The following PRICKLE2 variants were observed in gnomAD, a reference collection of about 807,000 sequenced individuals.
The protein encoded by PRICKLE2 is prickle planar cell polarity protein 2, also known as prickle-like protein 2.
Under a neutral mutation model 81.4 loss-of-function variants are expected in PRICKLE2, and 21 were observed. The observed-to-expected ratio is 0.26, with a 90% CI of 0.18 to 0.37. The LOEUF (loss-of-function observed/expected upper bound fraction) is 0.37. Among genes scored for constraint, PRICKLE2 ranks in the 10% least tolerant of loss-of-function variants. The pLI, the probability that PRICKLE2 is intolerant of heterozygous loss-of-function variation, is 1.00. For synonymous variants in PRICKLE2, 456 were observed against 421.5 expected, an observed-to-expected ratio of 1.08 and a Z score of -1.00; for missense variants, 940 against 1,109.0, an observed-to-expected ratio of 0.85 and a Z score of 2.16.
At chr3:64,214,375 A>G (rs1397901949) in intron 1 of PRICKLE2, among the ~76,000 whole-genome samples, 4 of 152,202 alleles carry the variant, frequency 2.6e-5, no homozygotes, top group Non-Finnish European at 4.4e-5. Context: ...AAGCCCCTCA[A>G]TTCAGATTGA....
At chr3:64,149,722 C>G (rs1246066547) in intron 6 of PRICKLE2, among the ~76,000 whole-genome samples, 1 of 152,154 alleles carries the variant, frequency 6.6e-6, no homozygotes, top group African/African-American at 2.4e-5. Context: ...GAACAAAAGG[C>G]CACCGGCCCA....
In PRICKLE2 at chr3:64,094,002, T is replaced by A. The variant is rs1012958449; in HGVS notation, c.*5049A>T. ...TCTGGCAGAGCCCACACCAAAGGCCTGTTGCAGACCTTCTTAACAAATAGC... is the reference window on the plus strand; with the variant it reads ...TCTGGCAGAGCCCACACCAAAGGCCAGTTGCAGACCTTCTTAACAAATAGC... On this transcript the variant is annotated 3_prime_UTR_variant, in exon 8 of 8. Coordinates refer to ENST00000638394, the MANE Select transcript of PRICKLE2 (RefSeq NM_198859.4). The A allele has an allele frequency of 2.0e-5, 3 of 152,644 alleles. No homozygotes were observed. The highest frequency in any genetic ancestry group is 7.2e-5 in the African/African-American group (3 of 41,452). The allele number at this position is 152,644 out of a possible 1,614,324, so 9.5% of individuals were successfully genotyped here. A position where few individuals can be genotyped will look rare whatever the true frequency, so the allele number is the denominator to read the frequency against.
rs1483556732 is a variant in PRICKLE2 at position 64,095,515 on chromosome 3, C to T, written c.*3536G>A. On this transcript the variant is annotated 3_prime_UTR_variant, in exon 8 of 8. Transcript: ENST00000638394. ...TTCTCAGCAAGAGTATACAGTGATGCATTGGTTGTATCTGCTCAGCTTGCA... is the reference window on the plus strand; with the variant it reads ...TTCTCAGCAAGAGTATACAGTGATGTATTGGTTGTATCTGCTCAGCTTGCA... The T allele has an allele frequency of 1.3e-5, 2 of 152,224 alleles. No individual in the cohort carries two copies. Among genetic ancestry groups the T allele is most frequent in the African/African-American group, 4.8e-5 (2 of 41,440 alleles). 9.4% of individuals were successfully genotyped at this position (152,224 alleles called of 1,614,324 possible). A position where few individuals can be genotyped will look rare whatever the true frequency, so the allele number is the denominator to read the frequency against.
At position 64,115,976 on chromosome 3, in the gene PRICKLE2, C is replaced by T. The variant is rs139288883; in HGVS notation, c.1661-16051G>A. ...ATTCTCCTCATCAAATGCAAAAGAACTGAAATCATAACAAACAATCTCTCA... is the reference window on the plus strand; with the variant it reads ...ATTCTCCTCATCAAATGCAAAAGAATTGAAATCATAACAAACAATCTCTCA... On this transcript the variant is annotated intron_variant, in intron 7 of 7. Coordinates refer to ENST00000638394, the MANE Select transcript of PRICKLE2 (RefSeq NM_198859.4). 1.5e-3 allele frequency among the ~76,000 whole-genome samples: 231 copies of T among 152,218 alleles called. 2 individuals carry two copies. The East Asian group carries it at 0.031, about 21-fold the overall frequency.
intron 2 of PRICKLE2, among the ~76,000 whole-genome samples, chr3:64,231,107 A>T (rs2079094954): frequency 6.6e-6 from 1 of 152,168 alleles, no homozygotes; most frequent in Non-Finnish European, 1.5e-5. Flanking sequence ...GGAATCTGTC[A>T]CATTTCATAC....
chr3:64,207,490 G>A (rs1354102320), intron 1 of PRICKLE2, among the ~76,000 whole-genome samples: 1 of 152,098 alleles, frequency 6.6e-6, no homozygotes, highest in African/African-American at 2.4e-5. Context: ...AGAGCCAGGG[G>A]ATAAGACTCT....
At chr3:64,185,526 T>C (rs1302530644) in intron 2 of PRICKLE2, among the ~76,000 whole-genome samples, 1 of 152,246 alleles carries the variant, frequency 6.6e-6, no homozygotes, top group Non-Finnish European at 1.5e-5. Flanking sequence ...TTAGAGATTA[T>C]GAAATGAGCC....
chr3:64,264,579 G>A (rs1409280435), intron 2 of PRICKLE2, among the ~76,000 whole-genome samples: 1 of 152,182 alleles, frequency 6.6e-6, no homozygotes, highest in Admixed American at 6.5e-5. Flanking sequence ...ACAACTTAGT[G>A]TTCAAAATTA....
chr3:64,148,849 A>G (rs188508200), intron 6 of PRICKLE2, among the ~76,000 whole-genome samples: 7 of 152,352 alleles, frequency 4.6e-5, no homozygotes, highest in African/African-American at 1.7e-4. Flanking sequence ...CAGCTTTCAG[A>G]ACTGTCAGCA....
chr3:64,177,313 T>C (rs1482268562), intron 2 of PRICKLE2, among the ~76,000 whole-genome samples: 2 of 151,752 alleles, frequency 1.3e-5, no homozygotes, highest in South Asian at 2.1e-4. Flanking sequence ...TTTTTTGTAT[T>C]TTTAATAGAG....
intron 2 of PRICKLE2, among the ~76,000 whole-genome samples, chr3:64,190,015 G>C (rs139867375): frequency 1.1e-3 from 162 of 152,272 alleles, no homozygotes; most frequent in African/African-American, 3.7e-3. Context: ...GGCTCCATTC[G>C]TGTCTCCCCA....
upstream of PRICKLE2, among the ~76,000 whole-genome samples, chr3:64,225,929 G>A (rs697288): frequency 0.11 from 17,318 of 150,954 alleles, 1,308 homozygotes; most frequent in East Asian, 0.39. Context: ...TCATTTTCGG[G>A]TGTTGCTTGT....
intron 2 of PRICKLE2, among the ~76,000 whole-genome samples, chr3:64,232,275 T>A (rs1238584797): frequency 6.6e-6 from 1 of 152,202 alleles, no homozygotes; most frequent in Non-Finnish European, 1.5e-5. Context: ...CTTTTGTGGC[T>A]CACCATTCTA....
intron 7 of PRICKLE2, among the ~76,000 whole-genome samples, chr3:64,143,608 T>A (rs1206340335): frequency 1.3e-5 from 2 of 152,054 alleles, no homozygotes; most frequent in African/African-American, 4.8e-5. Context: ...CCCAGGCACA[T>A]CTCCCCTCAG....
chr3:64,166,019 G>A (rs999979773), intron 2 of PRICKLE2, among the ~76,000 whole-genome samples: 1 of 142,182 alleles, frequency 7.0e-6, no homozygotes, highest in Non-Finnish European at 1.5e-5. Flanking sequence ...TGTGTGTTTT[G>A]TTTTGTTTTT....
At chr3:64,246,717 G>GAGGA (rs1199414208) in intron 2 of PRICKLE2, among the ~76,000 whole-genome samples, 2 of 152,172 alleles carry the variant, frequency 1.3e-5, no homozygotes, top group African/African-American at 4.8e-5. Context: ...ATCACACTTT[G>GAGGA]AGGAACACTA....
chr3:64,223,547 T>C (rs942563679), intron 1 of PRICKLE2, among the ~76,000 whole-genome samples: 2 of 152,208 alleles, frequency 1.3e-5, no homozygotes, highest in East Asian at 3.8e-4. Context: ...TTTCAAACAA[T>C]GCTATTTTAC....
intron 7 of PRICKLE2, among the ~76,000 whole-genome samples, chr3:64,106,674 A>G (rs768477712): frequency 5.9e-5 from 9 of 152,258 alleles, no homozygotes; most frequent in Admixed American, 2.6e-4. Flanking sequence ...GCAAATCAAT[A>G]GAATCCAACC....
intron 1 of PRICKLE2, among the ~76,000 whole-genome samples, chr3:64,213,754 C>T (rs911707048): frequency 2.1e-5 from 3 of 144,722 alleles, no homozygotes; most frequent in South Asian, 4.4e-4. Flanking sequence ...ACGCTTTCCA[C>T]GCTTTTCTTA....
Sources: allele counts gnomAD v4.1 joint callset (sites outside exome capture counted in the v4.1 genomes callset), GRCh38; gene constraint gnomAD v4.1.1; transcripts MANE v1.5; gene names NCBI Gene and HGNC (gene_info 2026-07-23, HGNC 2026-07-21).